The following PRKN variants were observed in gnomAD, a reference collection of about 807,000 sequenced individuals.
PRKN encodes E3 ubiquitin-protein ligase parkin.
In PRKN, 56 loss-of-function variants were observed where a neutral mutation model predicts 59.5. The ratio of observed to expected loss-of-function variants is 0.94; its 90% CI spans 0.76 to 1.18. The LOEUF is 1.18. Among genes scored for constraint, PRKN ranks in the 50% most tolerant of loss-of-function variants. PRKN has a pLI of 0.00. For synonymous variants in PRKN, 250 were observed against 222.1 expected, an observed-to-expected ratio of 1.13 and a Z score of -1.12; for missense variants, 657 against 596.4, an observed-to-expected ratio of 1.10 and a Z score of -1.06.
chr6:162,705,493 G>C (rs370524371), intron 1 of PRKN, among the ~76,000 whole-genome samples: 4 of 152,096 alleles, frequency 2.6e-5, no homozygotes, highest in Non-Finnish European at 5.9e-5. Context: ...TTAAGCAAAC[G>C]ATACCAGTCA....
chr6:162,562,078 CTTTGT>C (rs1779868295), intron 1 of PRKN, among the ~76,000 whole-genome samples: 1 of 151,994 alleles, frequency 6.6e-6, no homozygotes. Context: ...GTAGGGAGGA[CTTTGT>C]TTTGTATCTT....
At chr6:161,708,149 A>G (rs4709546) in intron 7 of PRKN, among the ~76,000 whole-genome samples, 68,449 of 151,836 alleles carry the variant, frequency 0.45, 15,892 homozygotes, top group Admixed American at 0.61. Flanking sequence ...AGAATTAGTG[A>G]ATACTAAGTT....
chr6:161,570,391 A>T (rs964417134), intron 7 of PRKN, among the ~76,000 whole-genome samples: 1 of 148,958 alleles, frequency 6.7e-6, no homozygotes, highest in Non-Finnish European at 1.5e-5. Context: ...TATGTAAAAT[A>T]AAATACAGTT....
At chr6:162,125,689 C>G (rs755845823) in intron 4 of PRKN, among the ~76,000 whole-genome samples, 2 of 152,124 alleles carry the variant, frequency 1.3e-5, no homozygotes, top group African/African-American at 2.4e-5. Context: ...CGTACCATGG[C>G]CAAAGTCATA....
chr6:162,016,762 T>C (rs1782949757), intron 5 of PRKN, among the ~76,000 whole-genome samples: 1 of 152,104 alleles, frequency 6.6e-6, no homozygotes, highest in African/African-American at 2.4e-5. Context: ...TACCTCGCCT[T>C]TACCAGGGAG....
intron 6 of PRKN, among the ~76,000 whole-genome samples, chr6:161,880,896 G>A (rs77521031): frequency 0.019 from 2,843 of 152,248 alleles, 100 homozygotes; most frequent in African/African-American, 0.065. Flanking sequence ...CACGTTCAGG[G>A]TTATAAGGAC....
chr6:161,598,814 T>C lies in PRKN; in HGVS notation c.872-29398A>G, dbSNP rs934227612. Among the ~76,000 whole-genome samples the C allele has an allele frequency of 6.6e-5, 10 of 152,334 alleles. No individual in the cohort carries two copies. In the East Asian group the frequency reaches 1.7e-3, roughly 26 times the overall value. ...GGATGTTGGGTGGCCATGGATGTTA[T>C]GGGTTGAATTTACTCCCCAAAGAGA... On this transcript the variant is annotated intron_variant, in intron 7 of 11. Coordinates refer to ENST00000366898, the MANE Select transcript of PRKN (RefSeq NM_004562.3).
intron 6 of PRKN, among the ~76,000 whole-genome samples, chr6:161,899,765 C>T (rs1777812379): frequency 6.6e-6 from 1 of 152,076 alleles, no homozygotes. Flanking sequence ...AGGCGTATTC[C>T]CATACGTTGT....
chr6:161,835,529 G>A (rs1374679291), intron 6 of PRKN, among the ~76,000 whole-genome samples: 2 of 152,302 alleles, frequency 1.3e-5, no homozygotes, highest in South Asian at 2.1e-4. Context: ...AGACTAATAC[G>A]ACAGTGATGT....
intron 6 of PRKN, among the ~76,000 whole-genome samples, chr6:161,946,410 A>ACT (rs1554253042): frequency 1.1e-4 from 10 of 95,202 alleles, no homozygotes; most frequent in African/African-American, 3.1e-4. Flanking sequence ...ACACACACAC[A>ACT]CACACTCTCT....
intron 6 of PRKN, among the ~76,000 whole-genome samples, chr6:161,882,008 G>T (rs961211768): frequency 2.2e-4 from 34 of 152,068 alleles, no homozygotes; most frequent in African/African-American, 8.2e-4. Flanking sequence ...CTGTTGGTGG[G>T]CAAATGATGA....
chr6:161,829,970 G>A (rs1002044722), intron 6 of PRKN, among the ~76,000 whole-genome samples: 2 of 152,130 alleles, frequency 1.3e-5, no homozygotes, highest in Non-Finnish European at 1.5e-5. Context: ...AGCTTGGCCG[G>A]GAGCTGGGTC....
chr6:162,246,828 T>A (rs2128093907), intron 3 of PRKN, among the ~76,000 whole-genome samples: 1 of 152,254 alleles, frequency 6.6e-6, no homozygotes, highest in African/African-American at 2.4e-5. Flanking sequence ...AAATATACAT[T>A]TTTAGCTGAC....
In PRKN at chr6:161,846,006, G is replaced by A. The variant is rs866363141; in HGVS notation, c.735-60098C>T. Among the ~76,000 whole-genome samples, 17 of 152,274 alleles carry A rather than the reference G, an allele frequency of 1.1e-4. No homozygotes were observed. The Middle Eastern group carries it at 0.01, about 91-fold the overall frequency. ...AACGGGGAGAGATTGCTCAATAGTGGATTTTAAAAGTCTTTTGTTGCATCT... is the reference window on the plus strand; with the variant it reads ...AACGGGGAGAGATTGCTCAATAGTGAATTTTAAAAGTCTTTTGTTGCATCT... On this transcript the variant is annotated intron_variant, in intron 6 of 11. Transcript: ENST00000366898.
chr6:162,324,602 A>AG lies in PRKN; in HGVS notation c.172-61838dup, dbSNP rs1562671209. Reference sequence around the variant, plus strand: ...TGGCACAGGGGGTCCACAGGTGCGCAGGGGGTCCACAGGTGCTCAGTTCAT... The same window carrying AG: ...TGGCACAGGGGGTCCACAGGTGCGCAGGGGGGTCCACAGGTGCTCAGTTCAT... On this transcript the variant is annotated intron_variant, in intron 2 of 11. Coordinates refer to ENST00000366898, the MANE Select transcript of PRKN (RefSeq NM_004562.3). Among the ~76,000 whole-genome samples the AG allele has an allele frequency of 3.3e-5, 5 of 152,068 alleles. No individual in the cohort carries two copies. In the South Asian group the frequency reaches 1.0e-3, roughly 31 times the overall value.
intron 1 of PRKN, among the ~76,000 whole-genome samples, chr6:162,559,167 A>AAAC (rs10681035): frequency 6.6e-6 from 1 of 151,230 alleles, no homozygotes; most frequent in Non-Finnish European, 1.5e-5. Context: ...AAAAAAAAAA[A>AAAC]GGCAATTGGT....
intron 2 of PRKN, among the ~76,000 whole-genome samples, chr6:162,371,690 A>G (rs560023756): frequency 2.0e-5 from 3 of 152,186 alleles, no homozygotes; most frequent in Non-Finnish European, 4.4e-5. Context: ...ATGGTACTCA[A>G]TGGTACTGTG....
intron 6 of PRKN, among the ~76,000 whole-genome samples, chr6:161,810,285 T>C (rs1158079098): frequency 6.6e-6 from 1 of 152,172 alleles, no homozygotes; most frequent in African/African-American, 2.4e-5. Flanking sequence ...GAAACCAACC[T>C]TTTCAACACC....
intron 4 of PRKN, among the ~76,000 whole-genome samples, chr6:162,131,852 G>T (rs1360269497): frequency 6.6e-6 from 1 of 152,164 alleles, no homozygotes; most frequent in Admixed American, 6.6e-5. Flanking sequence ...CAAATGTAAA[G>T]GTAGAGTCTA....
Sources: gnomAD v4.1 joint callset for allele counts (sites outside exome capture counted in the v4.1 genomes callset) on GRCh38, gnomAD v4.1.1 for gene constraint, MANE v1.5 for transcripts, NCBI Gene and HGNC (gene_info 2026-07-23, HGNC 2026-07-21) for gene names.